Variants in PPP2R2B observed in about 807,000 individuals in gnomAD.
The protein encoded by PPP2R2B is protein phosphatase 2 regulatory subunit Bbeta.
Under a neutral mutation model 46.0 loss-of-function variants are expected in PPP2R2B, and 5 were observed. The ratio of observed to expected loss-of-function variants is 0.11; its 90% CI spans 0.06 to 0.23. The LOEUF (loss-of-function observed/expected upper bound fraction) is 0.23. PPP2R2B is among the 10% of genes least tolerant of loss of function. The probability of loss-of-function intolerance (pLI) is 1.00; values close to 1 mark genes in which losing one functional copy is unlikely to be tolerated. For missense variants in PPP2R2B, 367 were observed against 575.0 expected (o/e 0.64, Z 3.70); for synonymous variants, 215 against 206.7 (o/e 1.04, Z -0.34).
In PPP2R2B at chr5:146,878,004, T is replaced by G; in HGVS notation, c.68A>C (p.Glu23Ala). 6.2e-7 allele frequency: 1 copy of G among 1,612,458 alleles called. No homozygotes were observed. Among genetic ancestry groups the G allele is most frequent in the Non-Finnish European group, 8.5e-7 (1 of 1,178,804 alleles). ...SFLRDHSYAT[E>A]ADIISTVEFN... ...GAATGCGGCGGGGCTGGCGTTACCT[T>G]CGGTCGCATAGCTGTGGTCGCGCAG... The change falls in exon 2 of 10, where the codon GAA becomes GCA. Residue 23 changes from glutamate to alanine, a missense_variant and splice_region_variant. Around this residue, in one of 2 missense-constraint regions of PPP2R2B, gnomAD observed 361 missense variants for 545.5 expected, o/e 0.66. Coordinates refer to ENST00000394411, the MANE Select transcript of PPP2R2B (RefSeq NM_181675.4). The surrounding 1 kb of genome is among the most constrained non-coding windows in gnomAD (Gnocchi z 4.5).
intron 1 of PPP2R2B, among the ~76,000 whole-genome samples, chr5:146,992,777 T>G (rs1000953996): frequency 6.6e-6 from 1 of 152,234 alleles, no homozygotes; most frequent in Non-Finnish European, 1.5e-5. Context: ...AGACTTATAA[T>G]TTCATTACAG....
chr5:146,635,550 A>G (rs1774758142), intron 7 of PPP2R2B, among the ~76,000 whole-genome samples: 1 of 152,192 alleles, frequency 6.6e-6, no homozygotes. Context: ...TGTCAGCCAC[A>G]CTGGGCTATG....
intron 1 of PPP2R2B, among the ~76,000 whole-genome samples, chr5:146,987,631 A>G (rs1005700297): frequency 3.3e-5 from 5 of 152,008 alleles, no homozygotes; most frequent in Admixed American, 6.6e-5. Context: ...TATAATGGAT[A>G]AACTAAAAAT....
At chr5:146,775,167 A>C (rs1755107228) in intron 2 of PPP2R2B, among the ~76,000 whole-genome samples, 1 of 152,232 alleles carries the variant, frequency 6.6e-6, no homozygotes, top group Non-Finnish European at 1.5e-5. Flanking sequence ...CTTTGATACT[A>C]AAGTCAGACA....
At chr5:147,003,472 G>T (rs1048599571) in intron 1 of PPP2R2B, among the ~76,000 whole-genome samples, 1 of 152,140 alleles carries the variant, frequency 6.6e-6, no homozygotes, top group Non-Finnish European at 1.5e-5. Context: ...ATCCTACAGG[G>T]TCTAGGGCAA....
intron 2 of PPP2R2B, among the ~76,000 whole-genome samples, chr5:146,750,165 G>C (rs573719025): frequency 1.3e-5 from 2 of 152,270 alleles, no homozygotes; most frequent in Non-Finnish European, 2.9e-5. Flanking sequence ...GCCTCTATCT[G>C]TCTGTTAATG....
chr5:146,809,637 G>C (rs1190942267), intron 2 of PPP2R2B, among the ~76,000 whole-genome samples: 3 of 152,214 alleles, frequency 2.0e-5, no homozygotes, highest in Admixed American at 2.0e-4. Flanking sequence ...AGTAAGCAAG[G>C]AGTGGGCCAC....
At chr5:146,906,791 G>A (rs1255837590) in intron 1 of PPP2R2B, among the ~76,000 whole-genome samples, 2 of 152,168 alleles carry the variant, frequency 1.3e-5, no homozygotes, top group African/African-American at 4.8e-5. Context: ...GGGCAGTACT[G>A]TTCTACCTCA....
At chr5:146,880,481 C>A (rs879734764), upstream of PPP2R2B, among the ~76,000 whole-genome samples, 3 of 152,098 alleles carry the variant, frequency 2.0e-5, no homozygotes, top group Non-Finnish European at 4.4e-5. Context: ...GATATTGGCA[C>A]AATTTGGAGT....
chr5:146,856,325 A>T (rs1338412976), intron 2 of PPP2R2B, among the ~76,000 whole-genome samples: 3 of 152,222 alleles, frequency 2.0e-5, no homozygotes, highest in Non-Finnish European at 4.4e-5. Flanking sequence ...ATAACTATTT[A>T]AAAAATGTAA....
chr5:146,842,027 A>G (rs1340928615), intron 2 of PPP2R2B, among the ~76,000 whole-genome samples: 3 of 152,212 alleles, frequency 2.0e-5, no homozygotes, highest in Non-Finnish European at 2.9e-5. Context: ...GTACTCTGAG[A>G]CAGGGATTCA....
chr5:146,690,765 C>A (rs1778800332), intron 5 of PPP2R2B, among the ~76,000 whole-genome samples: 1 of 152,182 alleles, frequency 6.6e-6, no homozygotes, highest in Admixed American at 6.5e-5. Flanking sequence ...AGTTTGTGTT[C>A]TGAATCACAA....
intron 8 of PPP2R2B, among the ~76,000 whole-genome samples, chr5:146,599,754 C>G (rs1001148734): frequency 3.3e-5 from 5 of 152,136 alleles, no homozygotes; most frequent in African/African-American, 1.2e-4. Context: ...ACCCATCAAC[C>G]CGTCATCTAC....
In PPP2R2B at chr5:146,878,500, C is replaced by T. The variant is rs914878373; in HGVS notation, c.-125+91G>A. On this transcript the variant is annotated intron_variant, in intron 1 of 9. Transcript: ENST00000394411. The surrounding 1 kb of genome is among the most constrained non-coding windows in gnomAD (Gnocchi z 4.5). ...CCAAAATGCAAAAAAGATCCCTCCT[C>T]CCCCTGGGAGAGCGGGCAGCCGCGA... The T allele has an allele frequency of 1.2e-5, 16 of 1,319,004 alleles. No individual in the cohort carries two copies. In the African/African-American group the frequency reaches 2.1e-4, roughly 17 times the overall value. The allele number at this position is 1,319,004 out of a possible 1,614,324, so 81.7% of individuals were successfully genotyped here.
chr5:146,757,368 A>G (rs1480715551), intron 2 of PPP2R2B, among the ~76,000 whole-genome samples: 1 of 152,184 alleles, frequency 6.6e-6, no homozygotes, highest in African/African-American at 2.4e-5. Flanking sequence ...ATATTTAAAG[A>G]TAGTACTGGC....
intron 2 of PPP2R2B, among the ~76,000 whole-genome samples, chr5:146,871,166 T>C (rs1165632029): frequency 6.6e-6 from 1 of 152,240 alleles, no homozygotes; most frequent in East Asian, 1.9e-4. Flanking sequence ...CAAAATCGTC[T>C]TCTTATTAAT....
intron 5 of PPP2R2B, among the ~76,000 whole-genome samples, chr5:146,686,943 A>C (rs1778541016): frequency 6.6e-6 from 1 of 152,032 alleles, no homozygotes. Context: ...TTCTGAAGTA[A>C]AACTGCATAG....
rs141074232 is a variant in PPP2R2B at position 147,071,795 on chromosome 5, G to A, written c.50+9264C>T. Among the ~76,000 whole-genome samples, 34 of 152,122 alleles carry A rather than the reference G, an allele frequency of 2.2e-4. No individual in the cohort carries two copies. In the East Asian group the frequency reaches 5.8e-3, roughly 26 times the overall value. Reference sequence around the variant, plus strand: ...ATTTTATATTCCACTTGTTTATTACGTCTATTGTCTAGCCCCTCCACTATT... The same window carrying A: ...ATTTTATATTCCACTTGTTTATTACATCTATTGTCTAGCCCCTCCACTATT... On this transcript the variant is annotated intron_variant, in intron 2 of 10. Transcript: ENST00000394413.
chr5:146,609,534 G>T (rs1311421929), intron 7 of PPP2R2B, among the ~76,000 whole-genome samples: 1 of 152,066 alleles, frequency 6.6e-6, no homozygotes, highest in African/African-American at 2.4e-5. Context: ...AGCTCCCAGC[G>T]TGAGCGACGC....
Sources: allele counts gnomAD v4.1 joint callset (sites outside exome capture counted in the v4.1 genomes callset), GRCh38; gene constraint gnomAD v4.1.1; regional missense constraint gnomAD v4.1.1; non-coding constraint Gnocchi (gnomAD v3.1); transcripts MANE v1.5; gene names NCBI Gene and HGNC (gene_info 2026-07-23, HGNC 2026-07-21).